Variants in LAMA4 observed in about 807,000 individuals in gnomAD.
The protein encoded by LAMA4 is laminin subunit alpha-4.
LAMA4 carries 127 observed loss-of-function variants against 207.1 expected under a neutral mutation model. The ratio of observed to expected loss-of-function variants is 0.61; its 90% CI spans 0.53 to 0.71. LAMA4 has a LOEUF of 0.71. Among genes scored for constraint, LAMA4 ranks in the 30% least tolerant of loss-of-function variants. LAMA4 has a pLI of 0.00. For synonymous variants in LAMA4, 761 were observed against 816.0 expected (o/e 0.93, Z 1.15); for missense variants, 2,093 against 2,246.5 (o/e 0.93, Z 1.38).
At position 112,120,368 on chromosome 6, in the gene LAMA4, C is replaced by T. The variant is rs2114590284; in HGVS notation, c.4580G>A (p.Gly1527Asp). Residue 1527 changes from glycine (G) to aspartate (D), a missense_variant, in exon 33 of 39, where the codon GGC (glycine) becomes GAC (aspartate). Gly to Asp is a moderately conservative substitution (Grantham distance 94, BLOSUM62 -1). Coordinates refer to ENST00000230538, the MANE Select transcript of LAMA4 (RefSeq NM_001105206.3). Reference sequence around the variant, plus strand: ...AACATTAAACATGTAAACCAAGCGGCCATGGGCCAAAAATAGAGTCATGAA... The same window carrying T: ...AACATTAAACATGTAAACCAAGCGGTCATGGGCCAAAAATAGAGTCATGAA... ...NDFMTLFLAH[G>D]RLVYMFNVGH... 1 of 1,613,998 alleles carries T rather than the reference C, an allele frequency of 6.2e-7. No homozygotes were observed. Among genetic ancestry groups the T allele is most frequent in the East Asian group, 2.2e-5 (1 of 44,852 alleles).
rs374990319 is a variant in LAMA4, at chr6:112,117,175, T to C, written c.4981+564A>G. On this transcript the variant is annotated intron_variant, in intron 35 of 38. Transcript: ENST00000230538. This position sits in a 1 kb window ranked among gnomAD's most constrained non-coding sequence, Gnocchi z 4.5. ...GAATGAATTAGATGATGATTGTGTG[T>C]AGTCTGCTAGGATTTTATTTATTTT... Among the ~76,000 whole-genome samples, 2 of 152,216 alleles carry C rather than the reference T, an allele frequency of 1.3e-5. No homozygotes were observed. Among genetic ancestry groups the C allele is most frequent in the East Asian group, 1.9e-4 (1 of 5,202 alleles).
chr6:112,217,901 T>G (rs1383243699), intron 2 of LAMA4: 3 of 152,228 alleles, frequency 2.0e-5, no homozygotes, highest in Admixed American at 1.3e-4. Context: ...TTTCACATTT[T>G]TAGTCTTTGC....
chr6:112,239,628 C>T (rs1487419212), intron 2 of LAMA4, among the ~76,000 whole-genome samples: 2 of 152,162 alleles, frequency 1.3e-5, no homozygotes, highest in African/African-American at 4.8e-5. Context: ...TGGGTCTGTT[C>T]CAGATCAAGT....
At position 112,172,752 on chromosome 6, in the gene LAMA4, CAG is replaced by C; in HGVS notation, c.1408_1409del (p.Leu470ValfsTer10). On this transcript the variant is annotated frameshift_variant, in exon 12 of 39. Transcript: ENST00000230538. LOFTEE classifies it high-confidence loss of function. ...WQRLHNETRT[L>X]FPVVLEQLDD... Reference sequence around the variant, plus strand: ...CCAGCTGCTCCAGGACGACAGGAAACAGAGTGCGGGTCTCATTGTGCAGCCGC... The same window carrying C: ...CCAGCTGCTCCAGGACGACAGGAAACAGTGCGGGTCTCATTGTGCAGCCGC... 6.2e-7 allele frequency: 1 copy of C among 1,614,100 alleles called. No homozygotes were observed. Among genetic ancestry groups the C allele is most frequent in the East Asian group, 2.2e-5 (1 of 44,864 alleles).
Position 112,189,139 on chromosome 6 carries a change from G to A in LAMA4, c.785C>T (p.Pro262Leu), listed in dbSNP as rs797030536. 3.1e-6 allele frequency: 5 copies of A among 1,613,716 alleles called. No homozygotes were observed. The Admixed American group carries it at 5.0e-5, about 16-fold the overall frequency. ...GGTTGGGCAGTCCATGCCTGTAGGG[G>A]GTTCAAAACCTTCTTCCAAGCATTC... is the stretch of plus-strand genomic sequence containing the variant. Reference protein sequence around the residue: ...TGECLEEGFEPPTGMDCPTIS... With the variant: ...TGECLEEGFELPTGMDCPTIS... The change falls in exon 7 of 39, where the codon CCC (proline) becomes CTC (leucine). Residue 262 changes from proline (P) to leucine (L), a missense_variant. Pro to Leu is a moderately conservative substitution (Grantham distance 98). Around this residue, in one of 3 missense-constraint regions of LAMA4, gnomAD observed 1,704 missense variants for 1,788.4 expected, o/e 0.95. Transcript: ENST00000230538.
chr6:112,110,207 A>G (rs1198101153), intron 38 of LAMA4, among the ~76,000 whole-genome samples: 1 of 152,304 alleles, frequency 6.6e-6, no homozygotes, highest in Non-Finnish European at 1.5e-5. Context: ...TTCTCCTCTT[A>G]ATTAGAAATC....
At chr6:112,213,717 A>G (rs1406101362) in intron 3 of LAMA4, 1 of 266,000 alleles carries the variant, frequency 3.8e-6, no homozygotes, top group African/African-American at 2.2e-5. Context: ...CCAACAGCTT[A>G]GTTAAAATCA....
chr6:112,194,797 G>A (rs935666453), intron 5 of LAMA4, among the ~76,000 whole-genome samples: 1 of 152,144 alleles, frequency 6.6e-6, no homozygotes, highest in Non-Finnish European at 1.5e-5. Context: ...CAGTATTTGA[G>A]TTTAGAGTAA....
chr6:112,245,794 A>T (rs1160003462), intron 2 of LAMA4, among the ~76,000 whole-genome samples: 7 of 152,174 alleles, frequency 4.6e-5, no homozygotes, highest in African/African-American at 1.7e-4. Flanking sequence ...CTCCACCAAA[A>T]CACAACATAA....
At chr6:112,251,398 C>G (rs1328637031) in intron 2 of LAMA4, 4 of 152,254 alleles carry the variant, frequency 2.6e-5, no homozygotes, top group African/African-American at 9.6e-5. Flanking sequence ...TCAGGAAGGC[C>G]TTCAGCCAAG....
chr6:112,197,437 G>A (rs1393934193), intron 5 of LAMA4, among the ~76,000 whole-genome samples: 2 of 152,198 alleles, frequency 1.3e-5, no homozygotes, highest in Non-Finnish European at 2.9e-5. Context: ...GAATTTGCAT[G>A]TAACATGGAT....
intron 38 of LAMA4, among the ~76,000 whole-genome samples, chr6:112,113,393 G>A (rs587622265): frequency 2.0e-5 from 3 of 152,308 alleles, no homozygotes; most frequent in Admixed American, 2.0e-4. Context: ...ATAGCATTCA[G>A]GTTTTCCAAG....
At chr6:112,181,307 A>C (rs1171189691) in intron 9 of LAMA4, among the ~76,000 whole-genome samples, 2 of 152,150 alleles carry the variant, frequency 1.3e-5, no homozygotes, top group Non-Finnish European at 2.9e-5. Flanking sequence ...TAAAGTGCAA[A>C]TCTAATCAGC....
rs1554342397 is a variant in LAMA4 at position 112,172,783 on chromosome 6, CA to C, written c.1378del (p.Trp460GlyfsTer46). The C allele has an allele frequency of 1.2e-6, 2 of 1,613,894 alleles. No individual in the cohort carries two copies. The highest frequency in any genetic ancestry group is 1.7e-6 in the Non-Finnish European group (2 of 1,179,958). On this transcript the variant is annotated frameshift_variant, in exon 12 of 39. Transcript: ENST00000230538. LOFTEE classifies it high-confidence loss of function. Reference sequence around the variant, plus strand: ...GCGGGTCTCATTGTGCAGCCGCTGCCAGCTCTCAGCCTGGCTCAGTACTGGG... The same window carrying C: ...GCGGGTCTCATTGTGCAGCCGCTGCCGCTCTCAGCCTGGCTCAGTACTGGG... ...AYELLSQAES[W>X]QRLHNETRTL...
At position 112,118,882 on chromosome 6, in the gene LAMA4, TCTC is replaced by T. The variant is rs1778182764; in HGVS notation, c.4821+271_4821+273del. 6.6e-6 allele frequency among the ~76,000 whole-genome samples: 1 copy of T among 152,112 alleles called. No homozygotes were observed. The highest frequency in any genetic ancestry group is 6.6e-5 in the Admixed American group (1 of 15,258). ...ATGGGTACTTCCTGAACAAATAAGA[TCTC>T]CTTGAGACATAAATTTTCATGATAA... On this transcript the variant is annotated intron_variant, in intron 34 of 38. Coordinates refer to ENST00000230538, the MANE Select transcript of LAMA4 (RefSeq NM_001105206.3). This position sits in a 1 kb window ranked among gnomAD's most constrained non-coding sequence, Gnocchi z 4.6.
chr6:112,203,882 G>C (rs1783904689), intron 4 of LAMA4, among the ~76,000 whole-genome samples: 1 of 152,096 alleles, frequency 6.6e-6, no homozygotes, highest in Non-Finnish European at 1.5e-5. Context: ...TAGATTTAGA[G>C]CACATTCTCT....
chr6:112,155,339 A>T, intron 15 of LAMA4: 1 of 587,652 alleles, frequency 1.7e-6, no homozygotes, highest in South Asian at 2.2e-5. Flanking sequence ...CTAAAAAAAT[A>T]AACTGTCAAA....
At position 112,172,686 on chromosome 6, in the gene LAMA4, A is replaced by T; in HGVS notation, c.1476T>A (p.Leu492=). Residue 492 remains leucine, a synonymous_variant, in exon 12 of 39, where the codon CTT becomes CTA. Coordinates refer to ENST00000230538, the MANE Select transcript of LAMA4 (RefSeq NM_001105206.3). ...CCCTGACATAGTTAAGGGCCTGGTC[A>T]AGTGCTTCCTGGAGATCTGACAACT... ...NAKLSDLQEA[L]DQALNYVRDA... is the part of the protein sequence containing the mutation. 1 of 1,613,942 alleles carries T rather than the reference A, an allele frequency of 6.2e-7. No homozygotes were observed. Among genetic ancestry groups the T allele is most frequent in the Non-Finnish European group, 8.5e-7 (1 of 1,180,002 alleles).
chr6:112,117,056 G>A lies in LAMA4; in HGVS notation c.4981+683C>T, dbSNP rs1326384975. On this transcript the variant is annotated intron_variant, in intron 35 of 38. Transcript: ENST00000230538. This position sits in a 1 kb window ranked among gnomAD's most constrained non-coding sequence, Gnocchi z 4.5. ...AGTACCTAAGTGCCTTGAGAGGAGG[G>A]AACATGCAGCTTTATACCCTTTCCT... 6.6e-6 allele frequency among the ~76,000 whole-genome samples: 1 copy of A among 152,048 alleles called. No individual in the cohort carries two copies. Among genetic ancestry groups the A allele is most frequent in the African/African-American group, 2.4e-5 (1 of 41,382 alleles).
Sources: allele counts gnomAD v4.1 joint callset (sites outside exome capture counted in the v4.1 genomes callset), GRCh38; gene constraint gnomAD v4.1.1; regional missense constraint gnomAD v4.1.1; non-coding constraint Gnocchi (gnomAD v3.1); transcripts MANE v1.5; gene names NCBI Gene and HGNC (gene_info 2026-07-23, HGNC 2026-07-21).